TARS1: variants seen among roughly 807,000 people sequenced by gnomAD.
TARS1 encodes threonine--tRNA ligase 1, cytoplasmic.
In TARS1, 57 loss-of-function variants were observed where a neutral mutation model predicts 97.7. That is an observed-to-expected ratio of 0.58 (90% CI 0.47 to 0.73). The LOEUF (loss-of-function observed/expected upper bound fraction) is 0.73, where lower values mean the gene tolerates loss of function less well. Ranked by LOEUF, TARS1 falls within the 30% of genes least tolerant of loss-of-function variation. TARS1 has a pLI of 0.00. For synonymous variants in TARS1, 312 were observed against 293.7 expected (o/e 1.06, Z -0.64); for missense variants, 806 against 888.3 (o/e 0.91, Z 1.18).
At chr5:33,458,458 T>C in intron 9 of TARS1, 108 bp from the exon 10 acceptor site, 2 of 798,564 alleles carry the variant, frequency 2.5e-6, no homozygotes, top group South Asian at 3.8e-5. Flanking sequence ...GATTGAAATA[T>C]GGGACATCAT....
chr5:33,464,616 C>T (rs925980311), intron 17 of TARS1, among the ~76,000 whole-genome samples: 1 of 152,182 alleles, frequency 6.6e-6, no homozygotes, highest in African/African-American at 2.4e-5. Flanking sequence ...TTCTTAATTA[C>T]CCTTAAGAAA....
In TARS1 at chr5:33,466,957, A is replaced by C; in HGVS notation, c.1995A>C (p.Ala665=). ...GCTLNKKIRN[A]QLAQYNFILV... ...CATTGAATAAAAAGATTCGAAATGC[A>C]CAGTTAGCACAGTATAACTTCATTT... Residue 665 remains alanine (A), a synonymous_variant, in exon 18 of 19, where the codon GCA becomes GCC. Transcript: ENST00000265112. 1 of 1,592,176 alleles carries C rather than the reference A, an allele frequency of 6.3e-7. No individual in the cohort carries two copies. Among genetic ancestry groups the C allele is most frequent in the Non-Finnish European group, 8.5e-7 (1 of 1,169,650 alleles).
chr5:33,445,199 T>A (rs1741350476), intron 1 of TARS1, 125 bp from the exon 2 acceptor site: 1 of 700,526 alleles, frequency 1.4e-6, no homozygotes, highest in Non-Finnish European at 2.3e-6. Context: ...TCTTTCAATA[T>A]CAGATTTCCA....
In TARS1 at chr5:33,457,395, A is replaced by C. The variant is rs1277437367; in HGVS notation, c.976A>C (p.Ile326Leu). Residue 326 changes from isoleucine to leucine, a missense_variant, in exon 9 of 19, where the codon ATT becomes CTT. This residue lies in a region of TARS1 where 446 missense variants were observed against 511.0 expected (regional missense o/e 0.87). Transcript: ENST00000265112. ...AGCTAAAAACCGAGATCATAGGAAA[A>C]TTGGCAGGGTATGTTCAAGAACAAT... ...EEAKNRDHRK[I>L]GRDQELYFFH... is the part of the protein sequence containing the mutation. 6.2e-7 allele frequency: 1 copy of C among 1,614,086 alleles called. No homozygotes were observed. The highest frequency in any genetic ancestry group is 1.7e-5 in the Admixed American group (1 of 60,020).
chr5:33,453,156 T>A (rs1342710068), intron 3 of TARS1, 133 bp from the exon 4 acceptor site: 4 of 1,156,928 alleles, frequency 3.5e-6, no homozygotes, highest in Non-Finnish European at 4.5e-6. Flanking sequence ...TATCATTATA[T>A]TTCAGAAAAA....
intron 3 of TARS1, among the ~76,000 whole-genome samples, chr5:33,451,689 T>G (rs1040171879): frequency 2.0e-5 from 3 of 152,330 alleles, no homozygotes; most frequent in Admixed American, 1.3e-4. Context: ...TTACAAATCT[T>G]AAAGATTATT....
intron 11 of TARS1, 121 bp from the exon 12 acceptor site, chr5:33,460,781 A>G: frequency 2.5e-6 from 3 of 1,199,718 alleles, no homozygotes; most frequent in South Asian, 1.6e-5. Context: ...AATTTGAGAA[A>G]TGTTGCTTGG....
At position 33,460,889 on chromosome 5, in the gene TARS1, T is replaced by G; in HGVS notation, c.1251-13T>G. ...ATTCTTAAGTGTCCGTGGACTTTTC[T>G]TTTTCTCTTCAGCCTTATGTTTGAT... On this transcript the variant is annotated splice_polypyrimidine_tract_variant and intron_variant, in intron 11 of 18. Coordinates refer to ENST00000265112, the MANE Select transcript of TARS1 (RefSeq NM_152295.5). The G allele has an allele frequency of 6.2e-7, 1 of 1,613,548 alleles. No homozygotes were observed. The highest frequency in any genetic ancestry group is 8.5e-7 in the Non-Finnish European group (1 of 1,179,844).
Position 33,459,726 on chromosome 5 carries a change from T to C in TARS1, c.1115T>C (p.Val372Ala), listed in dbSNP as rs1238780009. The change falls in exon 11 of 19, where the codon GTA (valine) becomes GCA (alanine). Residue 372 changes from valine to alanine, a missense_variant. By Grantham distance (64) the Val-to-Ala change is moderately conservative. Transcript: ENST00000265112. The part of the protein sequence containing the change: ...SEYRKRGFQE[V>A]VTPNIFNSRL... ...TATAGGAAAAGAGGATTCCAGGAGG[T>C]AGTCACCCCAAACATCTTCAACAGC... 6.2e-7 allele frequency: 1 copy of C among 1,614,112 alleles called. No individual in the cohort carries two copies. Among genetic ancestry groups the C allele is most frequent in the Non-Finnish European group, 8.5e-7 (1 of 1,180,014 alleles).
chr5:33,464,400 A>G lies in TARS1; in HGVS notation c.1908+575A>G, dbSNP rs577280988. Among the ~76,000 whole-genome samples, 14 of 152,332 alleles carry G rather than the reference A, an allele frequency of 9.2e-5. 1 individual carries two copies. The South Asian group carries it at 2.7e-3, about 29-fold the overall frequency. ...GTTGAAATTTTTTCAGGTTAATAGT[A>G]TAGCAGACCAATGTCTTGCCTCTCT... On this transcript the variant is annotated intron_variant, in intron 17 of 18. Transcript: ENST00000265112.
chr5:33,453,283 TTTA>T lies in TARS1; in HGVS notation c.330-5_330-3del. The T allele has an allele frequency of 1.9e-6, 3 of 1,556,886 alleles. No homozygotes were observed. Among genetic ancestry groups the T allele is most frequent in the East Asian group, 2.2e-5 (1 of 44,514 alleles). On this transcript the variant is annotated splice_region_variant and splice_polypyrimidine_tract_variant and intron_variant, in intron 3 of 18. Coordinates refer to ENST00000265112, the MANE Select transcript of TARS1 (RefSeq NM_152295.5). ...GTGGACTTTTTTTTTTTTTTTTTTTTTTAAGTCAAGGCCTGGCCGACAACACCG... is the reference window on the plus strand; with the variant it reads ...GTGGACTTTTTTTTTTTTTTTTTTTTAGTCAAGGCCTGGCCGACAACACCG...
Position 33,458,647 on chromosome 5 carries a change from C to G in TARS1, c.1066C>G (p.Leu356Val). The G allele has an allele frequency of 6.2e-7, 1 of 1,612,746 alleles. No homozygotes were observed. Among genetic ancestry groups the G allele is most frequent in the South Asian group, 1.1e-5 (1 of 90,926 alleles). The change falls in exon 10 of 19, where the codon CTT (leucine) becomes GTT (valine). Residue 356 changes from leucine to valine, a missense_variant. By Grantham distance (32) the Leu-to-Val change is conservative (BLOSUM62 1). Transcript: ENST00000265112. ...AAAAGGAGCCTACATTTATAATGCA[C>G]TTATTGAATTCATTAGGGTAAGTCA... ...LPKGAYIYNA[L>V]IEFIRSEYRK...
At position 33,441,159 on chromosome 5, in the gene TARS1, G is replaced by A. The variant is rs2111906848; in HGVS notation, c.57+16G>A. On this transcript the variant is annotated intron_variant, in intron 1 of 18. Transcript: ENST00000265112. ...GGAGAAGCCGGTGAGCAAACTTGGT[G>A]GGACCCAGAGACCAGCCTGGGACTC... 6.2e-7 allele frequency: 1 copy of A among 1,614,184 alleles called. No homozygotes were observed. The highest frequency in any genetic ancestry group is 8.5e-7 in the Non-Finnish European group (1 of 1,180,008).
intron 6 of TARS1, 26 bp from the exon 7 acceptor site, chr5:33,455,976 A>G (rs767472025): frequency 6.2e-7 from 1 of 1,605,868 alleles, no homozygotes; most frequent in Non-Finnish European, 8.5e-7. Context: ...ACAGTTTTTT[A>G]AAATAATAAT....
chr5:33,464,843 C>T (rs923954019), intron 17 of TARS1, among the ~76,000 whole-genome samples: 32 of 151,824 alleles, frequency 2.1e-4, no homozygotes, highest in Non-Finnish European at 1.3e-4. Context: ...TTTGGGAGGC[C>T]GAGGCGGGTG....
upstream of TARS1, chr5:33,440,908 G>A: frequency 1.5e-6 from 1 of 646,806 alleles, no homozygotes; most frequent in East Asian, 2.8e-5. Flanking sequence ...GCCTTCCCCC[G>A]TTATCCATTG....
intron 1 of TARS1, among the ~76,000 whole-genome samples, chr5:33,444,952 TCA>T (rs1191974019): frequency 6.6e-6 from 1 of 151,870 alleles, no homozygotes; most frequent in Non-Finnish European, 1.5e-5. Context: ...CACTTTGCAT[TCA>T]GTTTTTTTTT....
intron 3 of TARS1, among the ~76,000 whole-genome samples, chr5:33,451,190 C>G (rs1246314767): frequency 6.6e-6 from 1 of 152,088 alleles, no homozygotes; most frequent in African/African-American, 2.4e-5. Context: ...CTGATCTGCA[C>G]TGAGAATACT....
At chr5:33,462,269 C>A in intron 16 of TARS1, 66 bp downstream of exon 16, 1 of 1,377,150 alleles carries the variant, frequency 7.3e-7, no homozygotes, top group South Asian at 1.2e-5. Flanking sequence ...GTCTACTTTT[C>A]GATTTAATTA....
Sources: gnomAD v4.1 joint callset for allele counts (sites outside exome capture counted in the v4.1 genomes callset) on GRCh38, gnomAD v4.1.1 for gene constraint, gnomAD v4.1.1 regional missense constraint, MANE v1.5 for transcripts, NCBI Gene and HGNC (gene_info 2026-07-23, HGNC 2026-07-21) for gene names.